Variants in PSMA5 observed in about 807,000 individuals in gnomAD.
PSMA5 encodes proteasome subunit alpha type-5.
A neutral mutation model predicts 34.5 loss-of-function variants in PSMA5; 3 were observed. That is an observed-to-expected ratio of 0.09 (90% CI 0.04 to 0.22). The LOEUF (loss-of-function observed/expected upper bound fraction) is 0.22, where lower values mean the gene tolerates loss of function less well. Ranked by LOEUF, PSMA5 falls within the 10% of genes least tolerant of loss-of-function variation. The probability of loss-of-function intolerance (pLI) is 1.00; values close to 1 mark genes in which losing one functional copy is unlikely to be tolerated. For missense variants in PSMA5, 120 were observed against 286.1 expected (o/e 0.42, Z 4.19); for synonymous variants, 88 against 95.8 (o/e 0.92, Z 0.47).
chr1:109,412,015 C>A lies in PSMA5; in HGVS notation c.399+62G>T, dbSNP rs530871157. 5.1e-6 allele frequency: 8 copies of A among 1,577,334 alleles called. No homozygotes were observed. In the African/African-American group the frequency reaches 8.1e-5, roughly 16 times the overall value. ...AGAGGGGCTGGGAATGTTATGTTCACAGGACAAATGTCCTAAGTCCCATAG... is the reference window on the plus strand; with the variant it reads ...AGAGGGGCTGGGAATGTTATGTTCAAAGGACAAATGTCCTAAGTCCCATAG... On this transcript the variant is annotated intron_variant, in intron 5 of 8. Transcript: ENST00000271308.
At chr1:109,425,755 C>A (rs1308200166) in intron 1 of PSMA5, 2 of 153,080 alleles carry the variant, frequency 1.3e-5, no homozygotes, top group African/African-American at 4.8e-5. Flanking sequence ...CAATTGGAAT[C>A]GGCATGATGA....
chr1:109,419,798 CAAAAAAAAAAAAAA>C (rs57566863), intron 2 of PSMA5, among the ~76,000 whole-genome samples: 2 of 31,018 alleles, frequency 6.4e-5, no homozygotes, highest in African/African-American at 2.4e-4. Flanking sequence ...GACTCCGTCT[CAAAAAAAAAAAAAA>C]AAAAAAAAAA....
intron 2 of PSMA5, among the ~76,000 whole-genome samples, chr1:109,418,385 C>G (rs570184624): frequency 6.6e-6 from 1 of 152,124 alleles, no homozygotes; most frequent in Admixed American, 6.5e-5. Context: ...GGCACAATCA[C>G]GTCTCATGGA....
chr1:109,419,104 G>GATCACGCCGTTGCAGTGAGCCGAA (rs1654334769), intron 2 of PSMA5, among the ~76,000 whole-genome samples: 1 of 152,122 alleles, frequency 6.6e-6, no homozygotes, highest in Non-Finnish European at 1.5e-5. Flanking sequence ...AGTGAGCCGA[G>GATCACGCCGTTGCAGTGAGCCGAA]ATCACGCCAT....
chr1:109,418,013 C>T (rs1369148519), intron 2 of PSMA5, among the ~76,000 whole-genome samples: 1 of 151,876 alleles, frequency 6.6e-6, no homozygotes, highest in African/African-American at 2.4e-5. Context: ...CACTTGAGCC[C>T]AGGAGTTTGA....
At chr1:109,410,157 C>T in intron 7 of PSMA5, 143 bp from the exon 8 acceptor site, 1 of 608,116 alleles carries the variant, frequency 1.6e-6, no homozygotes, top group Non-Finnish European at 2.9e-6. Context: ...ACAAGTATCT[C>T]CAGAACTCAA....
intron 2 of PSMA5, among the ~76,000 whole-genome samples, chr1:109,418,297 A>C (rs992708343): frequency 5.9e-5 from 9 of 152,090 alleles, no homozygotes; most frequent in African/African-American, 1.9e-4. Context: ...ACATAGCTCT[A>C]AACAATCTGA....
intron 8 of PSMA5, among the ~76,000 whole-genome samples, chr1:109,402,985 G>C (rs946345101): frequency 3.9e-5 from 6 of 152,202 alleles, no homozygotes; most frequent in Non-Finnish European, 8.8e-5. Flanking sequence ...GATTACAGAT[G>C]TGAGCTACTG....
intron 8 of PSMA5, among the ~76,000 whole-genome samples, chr1:109,407,838 T>G (rs1393145891): frequency 6.6e-6 from 1 of 152,022 alleles, no homozygotes; most frequent in East Asian, 1.9e-4. Context: ...AGAGACGGGG[T>G]TTCACTATGT....
rs1184500674 is a variant in PSMA5 at position 109,400,123 on chromosome 1, A to G, written c.*1890T>C. 1 of 152,202 alleles carries G rather than the reference A, an allele frequency of 6.6e-6. No individual in the cohort carries two copies. The highest frequency in any genetic ancestry group is 2.4e-5 in the African/African-American group (1 of 41,432). The allele number at this position is 152,202 out of a possible 1,614,324, so 9.4% of individuals were successfully genotyped here. ...CGAAATTTACTGTTTTACCAGGTAA[A>G]ACACAAATATGCTGCCCAGCCAGTG... is the stretch of plus-strand genomic sequence containing the variant. On this transcript the variant is annotated 3_prime_UTR_variant, in exon 9 of 9. Coordinates refer to ENST00000271308, the MANE Select transcript of PSMA5 (RefSeq NM_002790.4).
chr1:109,405,956 T>C (rs1486473082), intron 8 of PSMA5, among the ~76,000 whole-genome samples: 1 of 152,088 alleles, frequency 6.6e-6, no homozygotes, highest in Non-Finnish European at 1.5e-5. Flanking sequence ...GAGTTATTTA[T>C]AAGGGAGCAA....
Position 109,409,884 on chromosome 1 carries a change from T to TAA in PSMA5, c.648+42_648+43dup, listed in dbSNP as rs3832015. 828 of 1,217,478 alleles carry TAA rather than the reference T, an allele frequency of 6.8e-4. 1 individual carries two copies. The African/African-American group carries it at 7.6e-3, about 11-fold the overall frequency. The allele number at this position is 1,217,478 out of a possible 1,614,324, so 75.4% of individuals were successfully genotyped here. A position where few individuals can be genotyped will look rare whatever the true frequency, so the allele number is the denominator to read the frequency against. ...GGCAATATAGCCAGACCTCATCTCT[T>TAA]AAAAAAAAAACCGAAAAAAATCCAA... On this transcript the variant is annotated intron_variant, in intron 8 of 8. Transcript: ENST00000271308.
intron 2 of PSMA5, among the ~76,000 whole-genome samples, chr1:109,419,819 A>G (rs1465508680): frequency 1.9e-5 from 2 of 103,442 alleles, no homozygotes; most frequent in East Asian, 4.0e-4. Flanking sequence ...AAAAAAAAAA[A>G]AAAAACAAGC....
At chr1:109,418,883 G>A (rs987907707) in intron 2 of PSMA5, among the ~76,000 whole-genome samples, 10 of 152,188 alleles carry the variant, frequency 6.6e-5, no homozygotes, top group African/African-American at 2.2e-4. Flanking sequence ...GGCCAAACAC[G>A]GTGGCTCATG....
chr1:109,411,134 G>A, intron 6 of PSMA5, 21 bp from the exon 7 acceptor site: 1 of 1,574,288 alleles, frequency 6.4e-7, no homozygotes, highest in African/African-American at 1.3e-5. Context: ...CCCAAAATGA[G>A]GACTAAAATG....
intron 6 of PSMA5, among the ~76,000 whole-genome samples, chr1:109,411,586 A>G (rs933086914): frequency 6.6e-6 from 1 of 152,056 alleles, no homozygotes; most frequent in Non-Finnish European, 1.5e-5. Flanking sequence ...ACACACACAC[A>G]CACTCTACAA....
Position 109,406,845 on chromosome 1 carries a change from G to A in PSMA5, c.648+3083C>T, listed in dbSNP as rs898306059. On this transcript the variant is annotated intron_variant, in intron 8 of 8. Coordinates refer to ENST00000271308, the MANE Select transcript of PSMA5 (RefSeq NM_002790.4). The stretch of plus-strand genomic sequence containing the variant: ...GGGGGTTGTACATTTGTCAACATCC[G>A]CTGAATTGTAAACTTAAAATAGGTA... Among the ~76,000 whole-genome samples the A allele has an allele frequency of 6.6e-5, 10 of 152,160 alleles. No individual in the cohort carries two copies. In the East Asian group the frequency reaches 1.7e-3, roughly 26 times the overall value.
intron 4 of PSMA5, chr1:109,412,766 C>T (rs544869693): frequency 7.6e-6 from 2 of 261,570 alleles, no homozygotes; most frequent in Non-Finnish European, 1.4e-5. Flanking sequence ...ACGTCCACCT[C>T]CTGCCATGAT....
intron 8 of PSMA5, among the ~76,000 whole-genome samples, chr1:109,403,010 C>T (rs1309162479): frequency 2.6e-5 from 4 of 152,098 alleles, no homozygotes; most frequent in Non-Finnish European, 4.4e-5. Flanking sequence ...TGGCCTGTTA[C>T]GTTTTTTTAA....
Sources: allele counts gnomAD v4.1 joint callset (sites outside exome capture counted in the v4.1 genomes callset), GRCh38; gene constraint gnomAD v4.1.1; transcripts MANE v1.5; gene names NCBI Gene and HGNC (gene_info 2026-07-23, HGNC 2026-07-21).